CCSER1: variants seen among roughly 807,000 people sequenced by gnomAD.
The protein encoded by CCSER1 is coiled-coil serine rich protein 1.
CCSER1 carries 41 observed loss-of-function variants against 82.0 expected under a neutral mutation model. The ratio of observed to expected loss-of-function variants is 0.50; its 90% confidence interval spans 0.39 to 0.65. The LOEUF is 0.65. CCSER1 is among the 30% of genes least tolerant of loss of function. The probability of loss-of-function intolerance (pLI) is 0.00; values close to 1 mark genes in which losing one functional copy is unlikely to be tolerated. For synonymous variants in CCSER1, 414 were observed against 383.9 expected, an observed-to-expected ratio of 1.08 and a Z score of -0.92; for missense variants, 1,119 against 1,064.2, an observed-to-expected ratio of 1.05 and a Z score of -0.72.
At chr4:91,295,891 A>T (rs28638373) in intron 10 of CCSER1, among the ~76,000 whole-genome samples, 33,062 of 151,774 alleles carry the variant, frequency 0.22, 4,751 homozygotes, top group African/African-American at 0.42. Flanking sequence ...TTGTATTAGG[A>T]TATTTTATGC....
At chr4:90,721,289 A>G (rs1742631538) in intron 6 of CCSER1, among the ~76,000 whole-genome samples, 1 of 151,932 alleles carries the variant, frequency 6.6e-6, no homozygotes, top group Non-Finnish European at 1.5e-5. Flanking sequence ...TGTTGGACTT[A>G]CAACCAAAAA....
intron 10 of CCSER1, among the ~76,000 whole-genome samples, chr4:91,357,013 T>C (rs1748882008): frequency 6.6e-6 from 1 of 152,194 alleles, no homozygotes; most frequent in Non-Finnish European, 1.5e-5. Context: ...TAACAGTTGC[T>C]TTGTTTAACG....
At chr4:90,295,376 A>G (rs1017503792) in intron 1 of CCSER1, among the ~76,000 whole-genome samples, 2 of 152,034 alleles carry the variant, frequency 1.3e-5, no homozygotes, top group African/African-American at 4.8e-5. Context: ...AAAATATTGT[A>G]TTTATTTCTG....
chr4:91,529,690 T>C (rs1192860288), intron 10 of CCSER1, among the ~76,000 whole-genome samples: 1 of 152,092 alleles, frequency 6.6e-6, no homozygotes, highest in Non-Finnish European at 1.5e-5. Flanking sequence ...TTAGATTGAG[T>C]AGCTGCAGGA....
chr4:90,446,330 A>T (rs536060860), intron 4 of CCSER1, among the ~76,000 whole-genome samples: 25 of 152,286 alleles, frequency 1.6e-4, no homozygotes, highest in Non-Finnish European at 3.4e-4. Context: ...GAGGATGGAC[A>T]TTATGTAGAT....
chr4:90,218,592 C>T (rs1741540016), intron 1 of CCSER1, among the ~76,000 whole-genome samples: 2 of 152,132 alleles, frequency 1.3e-5, no homozygotes, highest in Admixed American at 6.5e-5. Flanking sequence ...CAGCTAGCTA[C>T]ATAATAAGGG....
intron 10 of CCSER1, among the ~76,000 whole-genome samples, chr4:91,313,764 G>C (rs1319696772): frequency 6.6e-6 from 1 of 151,880 alleles, no homozygotes; most frequent in Non-Finnish European, 1.5e-5. Flanking sequence ...AGATGACCCA[G>C]TCCAAGCCCC....
chr4:91,173,210 TA>T, intron 10 of CCSER1, among the ~76,000 whole-genome samples: 1 of 152,348 alleles, frequency 6.6e-6, no homozygotes, highest in African/African-American at 2.4e-5. Flanking sequence ...AGAATGTCTT[TA>T]AAACAATAGA....
chr4:91,382,170 G>C lies in CCSER1; in HGVS notation c.2218-216402G>C, dbSNP rs369656341. Among the ~76,000 whole-genome samples, 31 of 152,170 alleles carry C rather than the reference G, an allele frequency of 2.0e-4. No individual in the cohort carries two copies. In the East Asian group the frequency reaches 4.5e-3, roughly 22 times the overall value. ...GTTCGGTGTCAGTCTGCCTCTACTG[G>C]GGGGTTCCTCCCAGTTAGGCCATGC... On this transcript the variant is annotated intron_variant, in intron 10 of 10. Transcript: ENST00000509176.
At chr4:90,781,380 G>A (rs911557821) in intron 7 of CCSER1, 7 of 985,262 alleles carry the variant, frequency 7.1e-6, no homozygotes, top group Non-Finnish European at 8.4e-6. Flanking sequence ...CCTGGTTACT[G>A]GGGCTTTGAG....
At chr4:90,471,775 G>T (rs1031200922) in intron 5 of CCSER1, among the ~76,000 whole-genome samples, 1 of 151,596 alleles carries the variant, frequency 6.6e-6, no homozygotes, top group Non-Finnish European at 1.5e-5. Context: ...AGGAGTTTGA[G>T]ACCAGCCTGG....
intron 4 of CCSER1, among the ~76,000 whole-genome samples, chr4:90,424,181 C>T (rs1449192156): frequency 6.6e-6 from 1 of 151,602 alleles, no homozygotes; most frequent in African/African-American, 2.4e-5. Context: ...TGATTAGCAA[C>T]TTTTTTTTCT....
intron 6 of CCSER1, among the ~76,000 whole-genome samples, chr4:90,716,811 G>A (rs1741726670): frequency 6.6e-6 from 1 of 152,092 alleles, no homozygotes; most frequent in African/African-American, 2.4e-5. Context: ...GCATTTCTTA[G>A]AATTTCTCTT....
chr4:90,607,127 C>T (rs892724115), intron 5 of CCSER1, among the ~76,000 whole-genome samples: 2 of 152,066 alleles, frequency 1.3e-5, no homozygotes, highest in African/African-American at 4.8e-5. Context: ...ATGGATGACT[C>T]TGATGTTCTG....
intron 5 of CCSER1, among the ~76,000 whole-genome samples, chr4:90,481,486 A>G (rs1035387130): frequency 7.2e-5 from 11 of 152,184 alleles, no homozygotes; most frequent in Admixed American, 3.3e-4. Flanking sequence ...TTGTCCATTC[A>G]GTATGATATG....
intron 9 of CCSER1, among the ~76,000 whole-genome samples, chr4:91,007,186 T>C (rs1738593858): frequency 6.6e-6 from 1 of 152,146 alleles, no homozygotes; most frequent in South Asian, 2.1e-4. Context: ...TTTAATTCAG[T>C]TTGTTAGTAT....
At chr4:91,509,096 T>A (rs1028906624) in intron 10 of CCSER1, among the ~76,000 whole-genome samples, 1 of 152,018 alleles carries the variant, frequency 6.6e-6, no homozygotes, top group African/African-American at 2.4e-5. Flanking sequence ...TTTATTTATT[T>A]CCTCTGTAGT....
chr4:90,859,569 T>C (rs772551889), intron 8 of CCSER1, among the ~76,000 whole-genome samples: 6 of 151,822 alleles, frequency 4.0e-5, no homozygotes, highest in Admixed American at 6.6e-5. Flanking sequence ...AATTGAATCC[T>C]AAAATCTGAA....
At chr4:90,231,747 T>G (rs925315203) in intron 1 of CCSER1, among the ~76,000 whole-genome samples, 3 of 152,158 alleles carry the variant, frequency 2.0e-5, no homozygotes, top group Admixed American at 2.0e-4. Context: ...CAAAATCTCC[T>G]TAAGCTGCTA....
Sources: allele counts gnomAD v4.1 joint callset (sites outside exome capture counted in the v4.1 genomes callset), GRCh38; gene constraint gnomAD v4.1.1; transcripts MANE v1.5; gene names NCBI Gene and HGNC (gene_info 2026-07-23, HGNC 2026-07-21).